The following PPP1R9A variants were observed in gnomAD, a reference collection of about 807,000 sequenced individuals.
PPP1R9A encodes protein phosphatase 1 regulatory subunit 9A.
A neutral mutation model predicts 141.9 loss-of-function variants in PPP1R9A; 59 were observed. The ratio of observed to expected loss-of-function variants is 0.42; its 90% CI spans 0.34 to 0.52. The LOEUF (loss-of-function observed/expected upper bound fraction) is 0.52. Ranked by LOEUF, PPP1R9A falls within the 20% of genes least tolerant of loss-of-function variation. The pLI, the probability that PPP1R9A is intolerant of heterozygous loss-of-function variation, is 0.10. For synonymous variants in PPP1R9A, 500 were observed against 569.7 expected (o/e 0.88, Z 1.74); for missense variants, 1,444 against 1,611.9 (o/e 0.90, Z 1.78).
chr7:94,979,904 GTA>G (rs1799880311), intron 2 of PPP1R9A, among the ~76,000 whole-genome samples: 1 of 151,844 alleles, frequency 6.6e-6, no homozygotes, highest in African/African-American at 2.4e-5. Context: ...AATGTTAAAG[GTA>G]TTTTTTTTTG....
intron 16 of PPP1R9A, among the ~76,000 whole-genome samples, chr7:95,275,534 G>T (rs1425325301): frequency 6.6e-6 from 1 of 152,172 alleles, no homozygotes; most frequent in African/African-American, 2.4e-5. Context: ...TCAACCTGGG[G>T]CTTGCTCCTC....
At chr7:95,005,760 T>C (rs1170957043) in intron 2 of PPP1R9A, among the ~76,000 whole-genome samples, 1 of 152,232 alleles carries the variant, frequency 6.6e-6, no homozygotes, top group African/African-American at 2.4e-5. Flanking sequence ...GTTCTGGCTA[T>C]ATTTATAGTA....
chr7:95,146,314 G>A (rs758215401), intron 4 of PPP1R9A, among the ~76,000 whole-genome samples: 29 of 152,196 alleles, frequency 1.9e-4, no homozygotes, highest in Middle Eastern at 3.4e-3. Context: ...AAAAGTGCCC[G>A]TTCATATCCT....
At chr7:95,041,561 T>A (rs183897419) in intron 2 of PPP1R9A, among the ~76,000 whole-genome samples, 57 of 152,270 alleles carry the variant, frequency 3.7e-4, no homozygotes, top group Non-Finnish European at 5.3e-4. Context: ...CTATTTGTAT[T>A]TATCCAATTG....
chr7:95,123,509 C>T (rs186148081), intron 4 of PPP1R9A, among the ~76,000 whole-genome samples: 15 of 152,188 alleles, frequency 9.9e-5, no homozygotes, highest in African/African-American at 2.6e-4. Context: ...ATTAGCTGGG[C>T]GTGGTAGTGG....
At chr7:95,060,736 G>A (rs907429171) in intron 2 of PPP1R9A, among the ~76,000 whole-genome samples, 4 of 152,160 alleles carry the variant, frequency 2.6e-5, no homozygotes, top group South Asian at 2.1e-4. Flanking sequence ...ACTGAGTCAG[G>A]TTGTCAGAGG....
intron 5 of PPP1R9A, among the ~76,000 whole-genome samples, chr7:95,176,736 C>G (rs1832966597): frequency 6.6e-6 from 1 of 152,032 alleles, no homozygotes; most frequent in African/African-American, 2.4e-5. Context: ...TCTGGGAAAT[C>G]TCAGCAATAG....
intron 2 of PPP1R9A, among the ~76,000 whole-genome samples, chr7:95,085,419 TG>T (rs1439319818): frequency 2.2e-5 from 3 of 135,296 alleles, no homozygotes; most frequent in Non-Finnish European, 3.1e-5. Context: ...AAAAAATTTT[TG>T]GTTTTTTTTT....
intron 5 of PPP1R9A, among the ~76,000 whole-genome samples, chr7:95,172,540 A>C (rs1259295222): frequency 6.6e-6 from 1 of 151,848 alleles, no homozygotes; most frequent in African/African-American, 2.4e-5. Context: ...TGATGACAGC[A>C]TCCAAAATAT....
intron 2 of PPP1R9A, among the ~76,000 whole-genome samples, chr7:94,988,603 T>C (rs888601746): frequency 7.2e-5 from 11 of 152,086 alleles, no homozygotes; most frequent in African/African-American, 2.7e-4. Flanking sequence ...TATTTACTTC[T>C]GTTACATTTT....
chr7:95,027,480 G>A (rs755734113), intron 2 of PPP1R9A, among the ~76,000 whole-genome samples: 7 of 152,122 alleles, frequency 4.6e-5, no homozygotes, highest in African/African-American at 9.7e-5. Context: ...AATCACCCAC[G>A]TTCTGCGTTG....
rs8491 is a variant in PPP1R9A, at chr7:95,296,302, C to A, written c.*5999C>A. On this transcript the variant is annotated 3_prime_UTR_variant, in exon 20 of 20. Transcript: ENST00000433360. The stretch of plus-strand genomic sequence containing the variant: ...GTCTTTTGTTTTCTGACCAATCTAA[C>A]AATACCTGTGATTAAATTTAATTTG... 43,407 of 152,534 alleles carry A rather than the reference C, an allele frequency of 0.28. 7,152 individuals are homozygous for A. Among genetic ancestry groups the A allele is most frequent in the Middle Eastern group, 0.51 (149 of 294 alleles). The allele number at this position is 152,534 out of a possible 1,614,324, so 9.4% of individuals were successfully genotyped here. A position where few individuals can be genotyped will look rare whatever the true frequency, so the allele number is the denominator to read the frequency against.
chr7:95,237,179 ATTT>A (rs1309474881), intron 8 of PPP1R9A, among the ~76,000 whole-genome samples: 1 of 125,608 alleles, frequency 8.0e-6, no homozygotes, highest in Non-Finnish European at 1.8e-5. Flanking sequence ...ATATATATAT[ATTT>A]TTTTTTTTTT....
chr7:95,099,359 T>C (rs1584680752), intron 2 of PPP1R9A, among the ~76,000 whole-genome samples: 1 of 152,364 alleles, frequency 6.6e-6, no homozygotes. Context: ...ATTTATTTCA[T>C]GCTGGCCACC....
intron 5 of PPP1R9A, among the ~76,000 whole-genome samples, chr7:95,195,550 T>C (rs1359534307): frequency 1.3e-5 from 2 of 150,758 alleles, no homozygotes; most frequent in Admixed American, 6.6e-5. Context: ...AGTGCTGGGG[T>C]TACAGGCATG....
chr7:94,942,657 A>C (rs1795457996), intron 2 of PPP1R9A, among the ~76,000 whole-genome samples: 1 of 152,018 alleles, frequency 6.6e-6, no homozygotes, highest in Admixed American at 6.6e-5. Flanking sequence ...ACAAAAAATT[A>C]GCTGGGCATG....
intron 2 of PPP1R9A, among the ~76,000 whole-genome samples, chr7:94,927,844 A>C (rs1793669657): frequency 6.6e-6 from 1 of 152,206 alleles, no homozygotes. Flanking sequence ...GTCTTTAAAA[A>C]TAAGGGCACA....
At chr7:95,283,134 G>C (rs1171363648) in intron 16 of PPP1R9A, among the ~76,000 whole-genome samples, 1 of 152,154 alleles carries the variant, frequency 6.6e-6, no homozygotes, top group East Asian at 1.9e-4. Flanking sequence ...ACTGCTGCCT[G>C]TTCCTACTTT....
intron 5 of PPP1R9A, among the ~76,000 whole-genome samples, chr7:95,172,175 C>A (rs192869313): frequency 2.9e-4 from 44 of 151,768 alleles, no homozygotes; most frequent in Admixed American, 1.5e-3. Context: ...TAATGCTTTT[C>A]TCTTGGTATT....
Sources: gnomAD v4.1 joint callset for allele counts (sites outside exome capture counted in the v4.1 genomes callset) on GRCh38, gnomAD v4.1.1 for gene constraint, MANE v1.5 for transcripts, NCBI Gene and HGNC (gene_info 2026-07-23, HGNC 2026-07-21) for gene names.